Variants in NCKAP5 observed in about 807,000 individuals in gnomAD.
NCKAP5 encodes the protein nck-associated protein 5.
NCKAP5 carries 92 observed loss-of-function variants against 167.0 expected under a neutral mutation model. That is an observed-to-expected ratio of 0.55 (90% CI 0.47 to 0.66). The LOEUF (loss-of-function observed/expected upper bound fraction) is 0.66, where lower values mean the gene tolerates loss of function less well. Among genes scored for constraint, NCKAP5 ranks in the 30% least tolerant of loss-of-function variants. The pLI, the probability that NCKAP5 is intolerant of heterozygous loss-of-function variation, is 0.00. For missense variants in NCKAP5, 2,378 were observed against 2,315.0 expected (o/e 1.03, Z -0.56); for synonymous variants, 891 against 877.4 (o/e 1.02, Z -0.27).
At chr2:133,140,211 A>C (rs2082945641) in intron 5 of NCKAP5, among the ~76,000 whole-genome samples, 1 of 152,180 alleles carries the variant, frequency 6.6e-6, no homozygotes, top group African/African-American at 2.4e-5. Context: ...GAAGTCTTAA[A>C]CATTGTTTCC....
At chr2:133,460,178 A>G (rs1574992264) in intron 3 of NCKAP5, among the ~76,000 whole-genome samples, 1 of 152,222 alleles carries the variant, frequency 6.6e-6, no homozygotes, top group East Asian at 1.9e-4. Context: ...CAAGGAAATT[A>G]GCTCACACAT....
At chr2:133,203,063 T>C (rs2085773701) in intron 5 of NCKAP5, among the ~76,000 whole-genome samples, 1 of 152,146 alleles carries the variant, frequency 6.6e-6, no homozygotes, top group Non-Finnish European at 1.5e-5. Context: ...GGATTATAAA[T>C]CATGCTGCTG....
At chr2:133,581,808 TA>T in the NCKAP5 span, among the ~76,000 whole-genome samples, 1 of 152,248 alleles carries the variant, frequency 6.6e-6, no homozygotes, top group African/African-American at 2.4e-5. Context: ...CTTTTCGTTG[TA>T]AGTATTGTTA....
At chr2:133,655,176 T>C in the NCKAP5 span, among the ~76,000 whole-genome samples, 3 of 152,222 alleles carry the variant, frequency 2.0e-5, no homozygotes, top group African/African-American at 7.2e-5. Flanking sequence ...GATTGCACTC[T>C]GCTGTGAAAT....
At chr2:133,582,528 A>G in the NCKAP5 span, among the ~76,000 whole-genome samples, 1 of 151,990 alleles carries the variant, frequency 6.6e-6, no homozygotes, top group Non-Finnish European at 1.5e-5. Context: ...CTTCTATACA[A>G]TTTTACCCCC....
chr2:132,689,349 A>T (rs1232094265), intron 19 of NCKAP5, among the ~76,000 whole-genome samples: 8 of 152,232 alleles, frequency 5.3e-5, no homozygotes, highest in African/African-American at 1.2e-4. Flanking sequence ...CTGACACAAG[A>T]TGTTCTCTTG....
chr2:133,577,532 T>C, the NCKAP5 span, among the ~76,000 whole-genome samples: 6 of 152,178 alleles, frequency 3.9e-5, no homozygotes, highest in African/African-American at 1.4e-4. Flanking sequence ...ATTATTATTA[T>C]TATACTTTAA....
intron 5 of NCKAP5, among the ~76,000 whole-genome samples, chr2:133,211,474 C>T (rs886790346): frequency 6.6e-6 from 1 of 152,182 alleles, no homozygotes; most frequent in Non-Finnish European, 1.5e-5. Context: ...AAATGATCCT[C>T]CTCCAATGGC....
intron 6 of NCKAP5, among the ~76,000 whole-genome samples, chr2:133,088,206 A>C (rs114730699): frequency 0.016 from 2,469 of 152,344 alleles, 70 homozygotes; most frequent in African/African-American, 0.057. Context: ...CTAGAATTCC[A>C]AATAAATGAA....
intron 11 of NCKAP5, among the ~76,000 whole-genome samples, chr2:132,845,891 T>C (rs561535691): frequency 1.7e-3 from 257 of 152,344 alleles, no homozygotes; most frequent in Non-Finnish European, 3.3e-3. Context: ...TTTTATAACA[T>C]TGACTTTTCT....
chr2:132,809,170 C>G (rs1685665575), intron 11 of NCKAP5, among the ~76,000 whole-genome samples: 1 of 152,044 alleles, frequency 6.6e-6, no homozygotes, highest in Non-Finnish European at 1.5e-5. Flanking sequence ...TTTATTGAGA[C>G]TCGTTTTATG....
intron 6 of NCKAP5, among the ~76,000 whole-genome samples, chr2:133,065,037 T>A (rs554890521): frequency 1.3e-5 from 2 of 152,214 alleles, no homozygotes; most frequent in Non-Finnish European, 2.9e-5. Context: ...ATCAGACCCA[T>A]GAACAGAGTC....
intron 3 of NCKAP5, among the ~76,000 whole-genome samples, chr2:133,312,187 A>G (rs1470621817): frequency 6.6e-6 from 1 of 152,202 alleles, no homozygotes; most frequent in Non-Finnish European, 1.5e-5. Context: ...TTTCATCAGT[A>G]TGAATTAACA....
chr2:133,350,197 A>G (rs1684266679), intron 3 of NCKAP5, among the ~76,000 whole-genome samples: 1 of 152,062 alleles, frequency 6.6e-6, no homozygotes, highest in South Asian at 2.1e-4. Flanking sequence ...GGATCACCTG[A>G]GCCCAGGAGT....
At chr2:133,470,006 C>T (rs1692926032) in intron 3 of NCKAP5, among the ~76,000 whole-genome samples, 1 of 152,112 alleles carries the variant, frequency 6.6e-6, no homozygotes, top group South Asian at 2.1e-4. Context: ...CTTCTTCTCT[C>T]AGCTCAACAA....
intron 8 of NCKAP5, chr2:132,931,190 T>A (rs911562822): frequency 6.6e-6 from 1 of 152,264 alleles, no homozygotes; most frequent in South Asian, 2.1e-4. Flanking sequence ...TGACTGGCTG[T>A]TGTTAAAGCA....
At chr2:133,533,985 G>A (rs1377097916) in intron 2 of NCKAP5, among the ~76,000 whole-genome samples, 2 of 151,966 alleles carry the variant, frequency 1.3e-5, no homozygotes, top group Non-Finnish European at 2.9e-5. Context: ...TAAAATTCAG[G>A]TCACATATGG....
At chr2:133,416,094 C>T (rs755764891) in intron 3 of NCKAP5, among the ~76,000 whole-genome samples, 3 of 152,194 alleles carry the variant, frequency 2.0e-5, no homozygotes, top group Non-Finnish European at 4.4e-5. Context: ...TGATAAACGT[C>T]AGGTCTCTCC....
chr2:133,538,718 T>C (rs565324175), intron 2 of NCKAP5, among the ~76,000 whole-genome samples: 35 of 152,176 alleles, frequency 2.3e-4, no homozygotes, highest in African/African-American at 8.4e-4. Flanking sequence ...GCTTACTTCA[T>C]GAAAACATAG....
Sources: gnomAD v4.1 joint callset for allele counts (sites outside exome capture counted in the v4.1 genomes callset) on GRCh38, gnomAD v4.1.1 for gene constraint, MANE v1.5 for transcripts, NCBI Gene and HGNC (gene_info 2026-07-23, HGNC 2026-07-21) for gene names.